The following CRELD2 variants were observed in gnomAD, a reference collection of about 807,000 sequenced individuals.
The protein encoded by CRELD2 is CRELD disulfide isomerase 2, also known as protein disulfide isomerase CRELD2.
In CRELD2, 33 loss-of-function variants were observed where a neutral mutation model predicts 48.1. The observed-to-expected ratio is 0.69, with a 90% confidence interval of 0.52 to 0.92. The LOEUF is 0.92. Ranked by LOEUF, CRELD2 falls within the 40% of genes least tolerant of loss-of-function variation. The probability of loss-of-function intolerance (pLI) is 0.00; values close to 1 mark genes in which losing one functional copy is unlikely to be tolerated. For synonymous variants in CRELD2, 220 were observed against 203.9 expected (o/e 1.08, Z -0.67); for missense variants, 477 against 482.4 (o/e 0.99, Z 0.10).
Position 49,927,295 on chromosome 22 carries a change from C to G in CRELD2, c.1050C>G (p.Arg350=), listed in dbSNP as rs1608. Residue 350 remains arginine, a synonymous_variant, in exon 10 of 10, where the codon CGC becomes CGG. Transcript: ENST00000328268. ...EGESPTQLPS[R]EDL ...AAAGCCCGACACAGCTGCCCTCCCG[C>G]GAAGACCTGTAATGTGCCGGACTTA... 3 of 1,611,832 alleles carry G rather than the reference C, an allele frequency of 1.9e-6. No individual in the cohort carries two copies. Among genetic ancestry groups the G allele is most frequent in the Admixed American group, 1.7e-5 (1 of 59,970 alleles).
chr22:49,924,487 G>A (rs765281369), intron 8 of CRELD2, 32 bp downstream of exon 8: 4 of 1,490,794 alleles, frequency 2.7e-6, no homozygotes, highest in South Asian at 2.4e-5. Flanking sequence ...GGACGCTGGT[G>A]GACCCTTCCC....
At chr22:49,925,352 A>T in intron 8 of CRELD2, 65 bp from the exon 9 acceptor site, 6 of 1,058,912 alleles carry the variant, frequency 5.7e-6, no homozygotes, top group Non-Finnish European at 8.5e-6. Flanking sequence ...GAATGAATGA[A>T]TTTCATAATC....
At chr22:49,923,738 G>A (rs1354425092) in intron 7 of CRELD2, 8 of 316,440 alleles carry the variant, frequency 2.5e-5, no homozygotes, top group East Asian at 8.7e-5. Flanking sequence ...GTTGCTGGAC[G>A]TTTACGTCAT....
At chr22:49,925,734 C>G (rs2060755993) in intron 9 of CRELD2, 177 bp downstream of exon 9, 2 of 1,420,014 alleles carry the variant, frequency 1.4e-6, no homozygotes, top group African/African-American at 2.9e-5. Flanking sequence ...GCGAGAGGTA[C>G]TGGCTTCCTG....
In CRELD2 at chr22:49,919,847, G is replaced by T; in HGVS notation, c.323+7G>T. 4 of 1,563,746 alleles carry T rather than the reference G, an allele frequency of 2.6e-6. No homozygotes were observed. Among genetic ancestry groups the T allele is most frequent in the Non-Finnish European group, 3.5e-6 (4 of 1,139,650 alleles). On this transcript the variant is annotated splice_region_variant and intron_variant, in intron 3 of 9. Coordinates refer to ENST00000328268, the MANE Select transcript of CRELD2 (RefSeq NM_024324.5). ...AGGCCTGGTGGCTGCAGCTGTGAGT[G>T]CCTTAAAACCTCTTAGAAGATACTT...
Position 49,922,596 on chromosome 22 carries a change from C to G in CRELD2, c.593-16C>G. ...TGAGAGTGGGGTTTGTACCCAGGCC[C>G]GCCTTTGCCTTCCAGCCTGTGACGA... On this transcript the variant is annotated splice_polypyrimidine_tract_variant and intron_variant, in intron 5 of 9. Transcript: ENST00000328268. 2.6e-6 allele frequency: 4 copies of G among 1,527,494 alleles called. No homozygotes were observed. The highest frequency in any genetic ancestry group is 3.5e-6 in the Non-Finnish European group (4 of 1,129,368). The allele number at this position is 1,527,494 out of a possible 1,614,324, so 94.6% of individuals were successfully genotyped here.
At chr22:49,922,339 C>T (rs1420365818) in intron 5 of CRELD2, 2 of 1,611,538 alleles carry the variant, frequency 1.2e-6, no homozygotes, top group East Asian at 4.5e-5. Context: ...TGCTGTCTGT[C>T]TCTTGGATGT....
intron 8 of CRELD2, chr22:49,925,048 G>A (rs1286322119): frequency 1.8e-5 from 3 of 168,736 alleles, no homozygotes; most frequent in South Asian, 2.4e-4. Flanking sequence ...GCAGAATGGC[G>A]TGAACCCGGG....
rs767912089 is a variant in CRELD2, at chr22:49,924,375, G to C, written c.788G>C (p.Cys263Ser). 36 of 1,611,880 alleles carry C rather than the reference G, an allele frequency of 2.2e-5. No homozygotes were observed. The highest frequency in any genetic ancestry group is 2.7e-5 in the Non-Finnish European group (32 of 1,179,244). ...CCTGTTGCAGAGTGTGACTCCAGCT[G>C]TGTGGGCTGCACAGGGGAAGGCCCA... Reference protein sequence around the residue: ...SYTCEECDSSCVGCTGEGPGN... With the variant: ...SYTCEECDSSSVGCTGEGPGN... Residue 263 changes from cysteine (C) to serine (S), a missense_variant, in exon 8 of 10, where the codon TGT becomes TCT. By Grantham distance (112) the Cys-to-Ser change is moderately radical (BLOSUM62 -1). Coordinates refer to ENST00000328268, the MANE Select transcript of CRELD2 (RefSeq NM_024324.5).
intron 3 of CRELD2, 118 bp from the exon 4 acceptor site, chr22:49,920,038 C>T: frequency 1.3e-6 from 1 of 792,680 alleles, no homozygotes; most frequent in South Asian, 1.6e-5. Flanking sequence ...CTGTCCACAC[C>T]TAGACTCTTG....
intron 8 of CRELD2, 97 bp from the exon 9 acceptor site, chr22:49,925,320 C>G: frequency 1.2e-6 from 1 of 848,260 alleles, no homozygotes; most frequent in Non-Finnish European, 1.9e-6. Flanking sequence ...CATCGTTGTG[C>G]TTTCTTTATG....
At chr22:49,922,888 G>GTC (rs2060713561) in intron 6 of CRELD2, among the ~76,000 whole-genome samples, 181 bp downstream of exon 6, 1 of 116,248 alleles carries the variant, frequency 8.6e-6, no homozygotes, top group Non-Finnish European at 1.8e-5. Flanking sequence ...TGAGGTGTGG[G>GTC]GGAGCATGAG....
At chr22:49,923,733 T>C (rs1334876996) in intron 7 of CRELD2, 1 of 327,160 alleles carries the variant, frequency 3.1e-6, no homozygotes, top group Non-Finnish European at 5.8e-6. Context: ...TGTCTGTTGC[T>C]GGACGTTTAC....
At position 49,920,231 on chromosome 22, in the gene CRELD2, C is replaced by T. The variant is rs1473725358; in HGVS notation, c.399C>T (p.Tyr133=). 5.6e-6 allele frequency: 9 copies of T among 1,610,808 alleles called. No homozygotes were observed. The highest frequency in any genetic ancestry group is 4.0e-5 in the African/African-American group (3 of 74,842). ...AAGTGTGCTGCTCTCCAGGAACCTA[C>T]GGTCCCGACTGTCTCGGTGCGTTTC... ...TLKVCCSPGT[Y]GPDCLACQGG... Residue 133 remains tyrosine (Y), a synonymous_variant, in exon 4 of 10, where the codon TAC becomes TAT. Coordinates refer to ENST00000328268, the MANE Select transcript of CRELD2 (RefSeq NM_024324.5).
intron 3 of CRELD2, 85 bp downstream of exon 3, chr22:49,919,925 A>G: frequency 1.8e-6 from 2 of 1,092,202 alleles, no homozygotes; most frequent in African/African-American, 1.6e-5. Flanking sequence ...AAGGTACAGG[A>G]ACAGTAGGGA....
chr22:49,926,083 T>C (rs1021304940), intron 9 of CRELD2: 1 of 155,562 alleles, frequency 6.4e-6, no homozygotes, highest in African/African-American at 2.4e-5. Context: ...GGAGGCTGGG[T>C]GGGCGCGTCT....
chr22:49,919,913 G>C, intron 3 of CRELD2, 73 bp downstream of exon 3: 2 of 1,206,016 alleles, frequency 1.7e-6, no homozygotes, highest in African/African-American at 3.0e-5. Flanking sequence ...CTCAGACTTA[G>C]AAAGGTACAG....
intron 8 of CRELD2, chr22:49,925,167 T>C: frequency 2.9e-6 from 1 of 345,392 alleles, no homozygotes; most frequent in Non-Finnish European, 5.2e-6. Context: ...GTGGGCTTCC[T>C]GGGCGCATGC....
At chr22:49,924,178 G>A in intron 7 of CRELD2, 182 bp from the exon 8 acceptor site, 4 of 528,660 alleles carry the variant, frequency 7.6e-6, no homozygotes, top group South Asian at 4.6e-5. Context: ...AGCACCTGCT[G>A]CACAGCAGGA....
Sources: allele counts gnomAD v4.1 joint callset (sites outside exome capture counted in the v4.1 genomes callset), GRCh38; gene constraint gnomAD v4.1.1; transcripts MANE v1.5; gene names NCBI Gene and HGNC (gene_info 2026-07-23, HGNC 2026-07-21).